Variants in NDUFAF5 observed in about 807,000 individuals in gnomAD.
NDUFAF5 encodes NADH:ubiquinone oxidoreductase complex assembly factor 5, also known as arginine-hydroxylase NDUFAF5, mitochondrial.
In NDUFAF5, 34 loss-of-function variants were observed where a neutral mutation model predicts 48.9. The ratio of observed to expected loss-of-function variants is 0.70; its 90% CI spans 0.53 to 0.93. The LOEUF is 0.93. NDUFAF5 is among the 40% of genes least tolerant of loss of function. NDUFAF5 has a pLI of 0.00. For missense variants in NDUFAF5, 428 were observed against 427.5 expected (o/e 1.00, Z -0.01); for synonymous variants, 153 against 150.6 (o/e 1.02, Z -0.12).
chr20:13,814,702 TCA>T lies in NDUFAF5; in HGVS notation c.779-1760_779-1759del, dbSNP rs1266139359. 3.3e-5 allele frequency among the ~76,000 whole-genome samples: 5 copies of T among 152,340 alleles called. No homozygotes were observed. In the East Asian group the frequency reaches 7.7e-4, roughly 23 times the overall value. ...AGGGCGAGTCGGAAGTCCCAAAGTT[TCA>T]GTTTTTCCCAGGTGGTCTTCAGTAG... On this transcript the variant is annotated intron_variant, in intron 8 of 10. Transcript: ENST00000378106.
rs746557949 is a variant in NDUFAF5, at chr20:13,817,302, TCTAAG to T, written c.*96_*100del. The T allele has an allele frequency of 3.0e-6, 3 of 997,084 alleles. No individual in the cohort carries two copies. The highest frequency in any genetic ancestry group is 1.7e-5 in the Admixed American group (1 of 58,850). The allele number at this position is 997,084 out of a possible 1,614,324, so 61.8% of individuals were successfully genotyped here. On this transcript the variant is annotated 3_prime_UTR_variant, in exon 11 of 11. Transcript: ENST00000378106. The stretch of plus-strand genomic sequence containing the variant: ...TATTATATTTTGAAGCAAGAAGCAC[TCTAAG>T]CTATTTACTAATAGGCTTTTCATAT...
chr20:13,804,466 A>G (rs984276985), intron 7 of NDUFAF5, among the ~76,000 whole-genome samples: 6 of 151,902 alleles, frequency 3.9e-5, no homozygotes, highest in African/African-American at 7.3e-5. Flanking sequence ...AGACAGTCAT[A>G]TGTATTCACA....
intron 3 of NDUFAF5, among the ~76,000 whole-genome samples, chr20:13,790,240 T>C (rs1285115976): frequency 6.6e-6 from 1 of 152,136 alleles, no homozygotes; most frequent in Non-Finnish European, 1.5e-5. Flanking sequence ...CCAGCACATA[T>C]AAATGATGGG....
chr20:13,818,840 TTGAA>T lies in NDUFAF5; in HGVS notation c.*1633_*1636del, dbSNP rs1056435560. 1 of 152,730 alleles carries T rather than the reference TTGAA, an allele frequency of 6.5e-6. No individual in the cohort carries two copies. Among genetic ancestry groups the T allele is most frequent in the Non-Finnish European group, 1.5e-5 (1 of 68,416 alleles). The allele number at this position is 152,730 out of a possible 1,614,324, so 9.5% of individuals were successfully genotyped here. A position where few individuals can be genotyped will look rare whatever the true frequency, so the allele number is the denominator to read the frequency against. ...ACTGGGTGTGTCTGTGTCATTCTGTTTGAATGTCTGTCAGGGGTATAGAAACTAG... is the reference window on the plus strand; with the variant it reads ...ACTGGGTGTGTCTGTGTCATTCTGTTTGTCTGTCAGGGGTATAGAAACTAG... On this transcript the variant is annotated 3_prime_UTR_variant, in exon 11 of 11. Coordinates refer to ENST00000378106, the MANE Select transcript of NDUFAF5 (RefSeq NM_024120.5).
chr20:13,807,132 T>C (rs911493906), intron 7 of NDUFAF5, among the ~76,000 whole-genome samples: 2 of 151,962 alleles, frequency 1.3e-5, no homozygotes, highest in African/African-American at 4.8e-5. Context: ...CTGCAACCTC[T>C]GCCTCCCGGG....
chr20:13,818,541 T>C lies in NDUFAF5; in HGVS notation c.*1331T>C. 1 of 290,714 alleles carries C rather than the reference T, an allele frequency of 3.4e-6. No homozygotes were observed. Among genetic ancestry groups the C allele is most frequent in the South Asian group, 3.3e-5 (1 of 30,722 alleles). 18.0% of individuals were successfully genotyped at this position (290,714 alleles called of 1,614,324 possible). On this transcript the variant is annotated 3_prime_UTR_variant, in exon 11 of 11. Coordinates refer to ENST00000378106, the MANE Select transcript of NDUFAF5 (RefSeq NM_024120.5). ...CAGGTGCAATGGCGCATGCCTGTAG[T>C]CCCAGCTACTTGGGAGGCTGAGGCA...
In NDUFAF5 at chr20:13,816,538, T is replaced by G. The variant is rs1600396099; in HGVS notation, c.854T>G (p.Val285Gly). ...GACACAATGCTGGCAGCTGCGGCAGTGTACAGAGGTAAGGGGCGACCACTC... is the reference window on the plus strand; with the variant it reads ...GACACAATGCTGGCAGCTGCGGCAGGGTACAGAGGTAAGGGGCGACCACTC... Reference protein sequence around the residue: ...HRDTMLAAAAVYREMYRNEDG... With the variant: ...HRDTMLAAAAGYREMYRNEDG... The change falls in exon 9 of 11, where the codon GTG becomes GGG. Residue 285 changes from valine (V) to glycine (G), a missense_variant. Physicochemically the swap from Val to Gly is moderately radical, Grantham distance 109. Coordinates refer to ENST00000378106, the MANE Select transcript of NDUFAF5 (RefSeq NM_024120.5). 1 of 1,613,786 alleles carries G rather than the reference T, an allele frequency of 6.2e-7. No homozygotes were observed. The highest frequency in any genetic ancestry group is 1.1e-5 in the South Asian group (1 of 91,064).
chr20:13,787,255 A>T, intron 1 of NDUFAF5, 57 bp from the exon 2 acceptor site: 3 of 1,561,724 alleles, frequency 1.9e-6, no homozygotes, highest in Non-Finnish European at 2.6e-6. Context: ...TGGATTGTTG[A>T]ATACTGGAAA....
intron 5 of NDUFAF5, among the ~76,000 whole-genome samples, chr20:13,797,473 CAGAA>C (rs1238290755): frequency 1.3e-5 from 2 of 152,134 alleles, no homozygotes; most frequent in Admixed American, 6.5e-5. Context: ...TACTGAATGA[CAGAA>C]GCTAATCTGA....
chr20:13,786,329 T>A (rs1211504037), intron 1 of NDUFAF5, among the ~76,000 whole-genome samples: 1 of 152,170 alleles, frequency 6.6e-6, no homozygotes, highest in East Asian at 1.9e-4. Context: ...ACCAATAAAT[T>A]TTTTGTGTCT....
intron 6 of NDUFAF5, among the ~76,000 whole-genome samples, chr20:13,800,777 A>G (rs781186551): frequency 2.6e-5 from 4 of 152,252 alleles, no homozygotes; most frequent in Non-Finnish European, 5.9e-5. Flanking sequence ...TTGGTTAGGA[A>G]ATCTGGGTCT....
At position 13,817,893 on chromosome 20, in the gene NDUFAF5, G is replaced by A; in HGVS notation, c.*683G>A. The A allele has an allele frequency of 4.4e-6, 2 of 454,106 alleles. No individual in the cohort carries two copies. Among genetic ancestry groups the A allele is most frequent in the South Asian group, 1.6e-5 (1 of 64,466 alleles). 28.1% of individuals were successfully genotyped at this position (454,106 alleles called of 1,614,324 possible). On this transcript the variant is annotated 3_prime_UTR_variant, in exon 11 of 11. Coordinates refer to ENST00000378106, the MANE Select transcript of NDUFAF5 (RefSeq NM_024120.5). ...CCAAGTTCACAGTCCTGTTGTTGTC[G>A]AGGAGGGTTCAAAATCATTTGGAGA...
intron 8 of NDUFAF5, among the ~76,000 whole-genome samples, chr20:13,810,367 A>G (rs1251402523): frequency 1.3e-5 from 2 of 152,226 alleles, no homozygotes; most frequent in East Asian, 1.9e-4. Flanking sequence ...AAAGCAAACT[A>G]TGAACTGAAA....
At chr20:13,813,276 A>G (rs1035827035) in intron 8 of NDUFAF5, among the ~76,000 whole-genome samples, 4 of 152,212 alleles carry the variant, frequency 2.6e-5, no homozygotes, top group East Asian at 1.9e-4. Flanking sequence ...TTCAGAAACT[A>G]TGGCCTAATA....
intron 7 of NDUFAF5, among the ~76,000 whole-genome samples, chr20:13,803,942 C>T (rs539366783): frequency 3.9e-5 from 6 of 152,224 alleles, no homozygotes; most frequent in Admixed American, 6.5e-5. Flanking sequence ...CGTGCCACCA[C>T]GCCCCATTAA....
intron 1 of NDUFAF5, 145 bp from the exon 2 acceptor site, chr20:13,787,167 G>A: frequency 1.1e-6 from 1 of 881,712 alleles, no homozygotes; most frequent in Non-Finnish European, 1.9e-6. Context: ...GTTTCCTGGT[G>A]GTTTGAGAAG....
At chr20:13,802,498 G>A (rs1161090456) in intron 7 of NDUFAF5, among the ~76,000 whole-genome samples, 6 of 151,884 alleles carry the variant, frequency 4.0e-5, no homozygotes, top group African/African-American at 7.3e-5. Flanking sequence ...GTGAAACCCC[G>A]TCTCTACTAA....
intron 1 of NDUFAF5, chr20:13,787,097 T>G: frequency 1.7e-6 from 1 of 595,598 alleles, no homozygotes; most frequent in South Asian, 1.9e-5. Context: ...ATGTATATTT[T>G]TAAGAATATT....
At chr20:13,807,047 ATTT>A (rs11474866) in intron 7 of NDUFAF5, among the ~76,000 whole-genome samples, 20 of 134,482 alleles carry the variant, frequency 1.5e-4, no homozygotes, top group Admixed American at 1.5e-4. Context: ...ACACCCAGCA[ATTT>A]TTTTTTTTTT....
Sources: gnomAD v4.1 joint callset for allele counts (sites outside exome capture counted in the v4.1 genomes callset) on GRCh38, gnomAD v4.1.1 for gene constraint, MANE v1.5 for transcripts, NCBI Gene and HGNC (gene_info 2026-07-23, HGNC 2026-07-21) for gene names.